SLC25A40: variants seen among roughly 807,000 people sequenced by gnomAD.
The protein encoded by SLC25A40 is solute carrier family 25 member 40.
SLC25A40 carries 41 observed loss-of-function variants against 46.5 expected under a neutral mutation model. The ratio of observed to expected loss-of-function variants is 0.88; its 90% CI spans 0.69 to 1.14. The LOEUF (loss-of-function observed/expected upper bound fraction) is 1.14. Among genes scored for constraint, SLC25A40 ranks in the 50% most tolerant of loss-of-function variants. The pLI, the probability that SLC25A40 is intolerant of heterozygous loss-of-function variation, is 0.00. For missense variants in SLC25A40, 386 were observed against 393.6 expected (o/e 0.98, Z 0.16); for synonymous variants, 126 against 127.5 (o/e 0.99, Z 0.08).
At chr7:87,844,395 A>C (rs957566631) in intron 8 of SLC25A40, among the ~76,000 whole-genome samples, 5 of 152,090 alleles carry the variant, frequency 3.3e-5, no homozygotes, top group Non-Finnish European at 7.4e-5. Context: ...ATTTCTTGGA[A>C]ACCTAGAAGT....
intron 2 of SLC25A40, among the ~76,000 whole-genome samples, chr7:87,859,220 C>T (rs1182422906): frequency 1.3e-5 from 2 of 151,960 alleles, no homozygotes; most frequent in South Asian, 2.1e-4. Context: ...TTTTGGAGGC[C>T]GAGGCGGGCG....
At chr7:87,863,000 G>T (rs905994321) in intron 1 of SLC25A40, among the ~76,000 whole-genome samples, 2 of 152,102 alleles carry the variant, frequency 1.3e-5, no homozygotes, top group Admixed American at 6.5e-5. Flanking sequence ...AGATCTTGGT[G>T]GGGATACAGC....
chr7:87,841,954 T>C, intron 9 of SLC25A40: 1 of 365,512 alleles, frequency 2.7e-6, no homozygotes, highest in Non-Finnish European at 5.3e-6. Flanking sequence ...ACACAGCTAC[T>C]AGTTGCAGAG....
intron 10 of SLC25A40, 65 bp from the exon 11 acceptor site, chr7:87,836,875 A>G: frequency 1.0e-6 from 1 of 999,864 alleles, no homozygotes; most frequent in Non-Finnish European, 1.4e-6. Context: ...TACTACAGAT[A>G]ACATAGTGTC....
intron 1 of SLC25A40, among the ~76,000 whole-genome samples, chr7:87,868,607 A>G (rs1207279717): frequency 6.6e-6 from 1 of 152,170 alleles, no homozygotes; most frequent in African/African-American, 2.4e-5. Flanking sequence ...ACTCAGCAAA[A>G]CAGCTTTTCT....
intron 1 of SLC25A40, among the ~76,000 whole-genome samples, chr7:87,861,883 T>C (rs1838705165): frequency 3.3e-5 from 5 of 152,072 alleles, no homozygotes; most frequent in Admixed American, 3.3e-4. Flanking sequence ...CTTTTTAGAA[T>C]AGTTAATGAA....
chr7:87,864,604 C>T (rs528156263), intron 1 of SLC25A40, among the ~76,000 whole-genome samples: 60 of 152,276 alleles, frequency 3.9e-4, no homozygotes, highest in Non-Finnish European at 7.1e-4. Context: ...GACTAGTAGC[C>T]TATTTTACAT....
chr7:87,865,631 G>C (rs373607153), intron 1 of SLC25A40, among the ~76,000 whole-genome samples: 23 of 152,180 alleles, frequency 1.5e-4, no homozygotes, highest in African/African-American at 5.3e-4. Flanking sequence ...AATTAGCCAG[G>C]TGCAGTGGTG....
intron 1 of SLC25A40, among the ~76,000 whole-genome samples, chr7:87,868,358 G>A (rs905672082): frequency 6.6e-6 from 1 of 152,134 alleles, no homozygotes; most frequent in African/African-American, 2.4e-5. Flanking sequence ...TTGGGGGTGA[G>A]GAGTTCCCCC....
chr7:87,856,168 T>G (rs930263754), intron 4 of SLC25A40, 124 bp downstream of exon 4: 1 of 837,922 alleles, frequency 1.2e-6, no homozygotes, highest in African/African-American at 1.7e-5. Flanking sequence ...AAAAAAAAAG[T>G]TTTTCATGAG....
intron 1 of SLC25A40, among the ~76,000 whole-genome samples, chr7:87,865,293 C>CT (rs931994445): frequency 1.3e-5 from 2 of 151,294 alleles, no homozygotes; most frequent in African/African-American, 4.9e-5. Context: ...CAAGAGAAAA[C>CT]TAAAAAAAAA....
intron 6 of SLC25A40, among the ~76,000 whole-genome samples, chr7:87,849,193 T>C (rs1378298782): frequency 6.6e-6 from 1 of 152,152 alleles, no homozygotes. Flanking sequence ...AAAATTACCA[T>C]ATGCTTGTGT....
In SLC25A40 at chr7:87,847,942, G is replaced by A. The variant is rs724665; in HGVS notation, c.368C>T (p.Thr123Ile). Residue 123 changes from threonine (T) to isoleucine (I), a missense_variant, in exon 7 of 12, where the codon ACC becomes ATC. Thr to Ile is a moderately conservative substitution (Grantham distance 89). Transcript: ENST00000341119. ...AAGAGCACTTAATTGATCATAGCAGGTAAAATAAATAACTGTGGCAGGAAC... is the reference window on the plus strand; with the variant it reads ...AAGAGCACTTAATTGATCATAGCAGATAAAATAAATAACTGTGGCAGGAAC... ...MAVPATVIYF[T>I]CYDQLSALLR... The A allele has an allele frequency of 6.5e-3, 10,506 of 1,609,120 alleles. 48 individuals are homozygous for A. The highest frequency in any genetic ancestry group is 7.9e-3 in the Non-Finnish European group (9,314 of 1,178,182).
intron 10 of SLC25A40, among the ~76,000 whole-genome samples, chr7:87,838,914 T>C (rs1048534824): frequency 8.6e-5 from 13 of 151,680 alleles, no homozygotes; most frequent in Admixed American, 2.0e-4. Context: ...TATTGCATTA[T>C]ATGGATTATA....
At chr7:87,868,806 G>A (rs1198390362) in intron 1 of SLC25A40, among the ~76,000 whole-genome samples, 1 of 152,026 alleles carries the variant, frequency 6.6e-6, no homozygotes, top group Admixed American at 6.6e-5. Context: ...CATGATGTAG[G>A]CCTACTTAAT....
intron 3 of SLC25A40, among the ~76,000 whole-genome samples, chr7:87,857,044 A>G (rs1838625865): frequency 6.6e-6 from 1 of 152,174 alleles, no homozygotes; most frequent in Admixed American, 6.5e-5. Flanking sequence ...ATCATTTGTT[A>G]TTTACATAAA....
chr7:87,872,705 T>C (rs1838912753), intron 1 of SLC25A40, among the ~76,000 whole-genome samples: 1 of 152,228 alleles, frequency 6.6e-6, no homozygotes, highest in Non-Finnish European at 1.5e-5. Context: ...CTCACGCTTG[T>C]AATCCTAGCA....
At chr7:87,854,480 A>G (rs1325223040) in intron 4 of SLC25A40, among the ~76,000 whole-genome samples, 170 bp from the exon 5 acceptor site, 1 of 152,216 alleles carries the variant, frequency 6.6e-6, no homozygotes, top group Admixed American at 6.5e-5. Context: ...AGACAAAATT[A>G]ATTTGATTTG....
rs991910138 is a variant in SLC25A40, at chr7:87,839,709, G to A, written c.823+1924C>T. Among the ~76,000 whole-genome samples the A allele has an allele frequency of 2.6e-5, 4 of 151,786 alleles. No individual in the cohort carries two copies. In the South Asian group the frequency reaches 8.3e-4, roughly 31 times the overall value. Reference sequence around the variant, plus strand: ...GATTATGAGCTCTTTGAGGATTTGGGTAATTGTCTCATTTATCTGTATATA... The same window carrying A: ...GATTATGAGCTCTTTGAGGATTTGGATAATTGTCTCATTTATCTGTATATA... On this transcript the variant is annotated intron_variant, in intron 10 of 11. Transcript: ENST00000341119.
Sources: gnomAD v4.1 joint callset for allele counts (sites outside exome capture counted in the v4.1 genomes callset) on GRCh38, gnomAD v4.1.1 for gene constraint, MANE v1.5 for transcripts, NCBI Gene and HGNC (gene_info 2026-07-23, HGNC 2026-07-21) for gene names.